Variants in NAALADL2 observed in about 807,000 individuals in gnomAD.
NAALADL2 encodes N-acetylated alpha-linked acidic dipeptidase like 2, also known as inactive N-acetylated-alpha-linked acidic dipeptidase-like protein 2.
NAALADL2 carries 76 observed loss-of-function variants against 87.2 expected under a neutral mutation model. The ratio of observed to expected loss-of-function variants is 0.87; its 90% CI spans 0.72 to 1.05. The LOEUF (loss-of-function observed/expected upper bound fraction) is 1.05. Among genes scored for constraint, NAALADL2 ranks in the 50% least tolerant of loss-of-function variants. The pLI is 0.00. For missense variants in NAALADL2, 1,089 were observed against 945.8 expected, an observed-to-expected ratio of 1.15 and a Z score of -1.99; for synonymous variants, 354 against 331.0, an observed-to-expected ratio of 1.07 and a Z score of -0.75.
chr3:175,630,958 A>G (rs114987074), intron 11 of NAALADL2, among the ~76,000 whole-genome samples: 2 of 151,724 alleles, frequency 1.3e-5, no homozygotes, highest in Non-Finnish European at 3.0e-5. Flanking sequence ...GAAATTCTGA[A>G]GATACTATTT....
rs149900723 is a variant in NAALADL2, at chr3:175,085,813, G to A, written c.44-10977G>A. ...TGTGCCTGTAGTCCCAGCTACTCGGGAGGCTGAGGCAGGAGAATCACTTGA... is the reference window on the plus strand; with the variant it reads ...TGTGCCTGTAGTCCCAGCTACTCGGAAGGCTGAGGCAGGAGAATCACTTGA... On this transcript the variant is annotated intron_variant, in intron 1 of 13. Coordinates refer to ENST00000454872, the MANE Select transcript of NAALADL2 (RefSeq NM_207015.3). 6.2e-3 allele frequency among the ~76,000 whole-genome samples: 951 copies of A among 152,288 alleles called. 12 individuals carry two copies. The highest frequency in any genetic ancestry group is 0.022 in the African/African-American group (898 of 41,542).
intron 9 of NAALADL2, among the ~76,000 whole-genome samples, chr3:175,575,485 A>G (rs940768637): frequency 6.6e-6 from 1 of 151,820 alleles, no homozygotes; most frequent in African/African-American, 2.4e-5. Flanking sequence ...AGCTTTCACC[A>G]TGTTGGCCAG....
At chr3:175,050,499 A>T (rs113259891) in intron 1 of NAALADL2, among the ~76,000 whole-genome samples, 8,234 of 152,116 alleles carry the variant, frequency 0.054, 268 homozygotes, top group Middle Eastern at 0.12. Flanking sequence ...ATTTATTTCA[A>T]TGTTTAATAT....
At chr3:175,597,310 C>T (rs1722374133) in intron 10 of NAALADL2, among the ~76,000 whole-genome samples, 2 of 151,832 alleles carry the variant, frequency 1.3e-5, no homozygotes. Context: ...AGGTTTGTTG[C>T]TATATCTGTG....
At chr3:175,611,093 T>C (rs968225241) in intron 10 of NAALADL2, among the ~76,000 whole-genome samples, 2 of 152,078 alleles carry the variant, frequency 1.3e-5, no homozygotes, top group Non-Finnish European at 2.9e-5. Flanking sequence ...AGATTTCTAC[T>C]TAGCTAAGTC....
At chr3:175,159,639 C>T (rs1185564564) in intron 2 of NAALADL2, among the ~76,000 whole-genome samples, 1 of 152,050 alleles carries the variant, frequency 6.6e-6, no homozygotes, top group East Asian at 1.9e-4. Context: ...AAAGCTGTTG[C>T]ATAAAGGAAT....
chr3:175,228,381 T>C (rs1744458716), intron 2 of NAALADL2, among the ~76,000 whole-genome samples: 2 of 151,954 alleles, frequency 1.3e-5, no homozygotes, highest in Non-Finnish European at 2.9e-5. Flanking sequence ...TAAGGTGTTA[T>C]AGTGCATTTC....
At chr3:174,802,781 C>T (rs982392843) in intron 3 of NAALADL2, among the ~76,000 whole-genome samples, 8 of 152,086 alleles carry the variant, frequency 5.3e-5, no homozygotes, top group Non-Finnish European at 8.8e-5. Context: ...TGGTTTCCAG[C>T]TTCATCTATG....
intron 2 of NAALADL2, among the ~76,000 whole-genome samples, chr3:175,125,595 A>G (rs1726833965): frequency 6.6e-6 from 1 of 152,012 alleles, no homozygotes; most frequent in African/African-American, 2.4e-5. Context: ...ATATAAGAAT[A>G]CTTTTACATT....
chr3:175,173,098 C>T (rs2108926238), intron 2 of NAALADL2, among the ~76,000 whole-genome samples: 1 of 151,872 alleles, frequency 6.6e-6, no homozygotes, highest in African/African-American at 2.4e-5. Flanking sequence ...CAGGATAAGC[C>T]TGGGCGACAT....
intron 5 of NAALADL2, among the ~76,000 whole-genome samples, chr3:175,334,473 C>T (rs1283243871): frequency 6.6e-6 from 1 of 152,176 alleles, no homozygotes; most frequent in Admixed American, 6.5e-5. Flanking sequence ...GACCACCTCA[C>T]TTCACCTACC....
At chr3:175,451,689 AAAT>A (rs1476143867) in intron 6 of NAALADL2, among the ~76,000 whole-genome samples, 4 of 152,130 alleles carry the variant, frequency 2.6e-5, no homozygotes, top group Non-Finnish European at 5.9e-5. Context: ...TATTTTGAAA[AAAT>A]AATTGTTTAC....
intron 3 of NAALADL2, among the ~76,000 whole-genome samples, chr3:175,254,219 C>T (rs1195939571): frequency 6.6e-6 from 1 of 152,028 alleles, no homozygotes; most frequent in Non-Finnish European, 1.5e-5. Context: ...AAGAAATTAC[C>T]AAAGCCACCC....
intron 9 of NAALADL2, among the ~76,000 whole-genome samples, chr3:175,572,651 T>C (rs766691641): frequency 6.6e-6 from 1 of 152,148 alleles, no homozygotes; most frequent in Non-Finnish European, 1.5e-5. Flanking sequence ...AATGAAAATA[T>C]TGAAGCTAAA....
intron 1 of NAALADL2, among the ~76,000 whole-genome samples, chr3:174,978,759 T>TTA (rs1744707249): frequency 2.6e-5 from 4 of 152,218 alleles, no homozygotes; most frequent in African/African-American, 7.2e-5. Flanking sequence ...TAGAATATTG[T>TTA]TAAAACATAT....
At chr3:174,504,631 C>A (rs1368788297) in intron 1 of NAALADL2, among the ~76,000 whole-genome samples, 1 of 152,090 alleles carries the variant, frequency 6.6e-6, no homozygotes, top group Admixed American at 6.5e-5. Context: ...TGAGAGTTTA[C>A]ATCTATTTAC....
intron 2 of NAALADL2, among the ~76,000 whole-genome samples, chr3:175,211,287 C>G (rs976344674): frequency 5.3e-5 from 8 of 151,804 alleles, no homozygotes; most frequent in Non-Finnish European, 1.2e-4. Flanking sequence ...CAAAAATTCT[C>G]TTGGGGAACA....
At position 175,734,489 on chromosome 3, in the gene NAALADL2, G is replaced by A. The variant is rs534131240; in HGVS notation, c.1897-2817G>A. Among the ~76,000 whole-genome samples the A allele has an allele frequency of 4.1e-4, 62 of 152,112 alleles. 2 individuals carry two copies. In the South Asian group the frequency reaches 0.013, roughly 32 times the overall value. On this transcript the variant is annotated intron_variant, in intron 11 of 13. Transcript: ENST00000454872. ...GGAGAATGGTGTGAACTCGGGAGGCGGAGCTTGCAGTGAGCCAAGATTGTG... is the reference window on the plus strand; with the variant it reads ...GGAGAATGGTGTGAACTCGGGAGGCAGAGCTTGCAGTGAGCCAAGATTGTG...
intron 2 of NAALADL2, among the ~76,000 whole-genome samples, chr3:175,225,223 A>G (rs1743989602): frequency 6.6e-6 from 1 of 152,188 alleles, no homozygotes; most frequent in African/African-American, 2.4e-5. Context: ...ATTATATAAA[A>G]TTACCATTAC....
Sources: allele counts gnomAD v4.1 joint callset (sites outside exome capture counted in the v4.1 genomes callset), GRCh38; gene constraint gnomAD v4.1.1; transcripts MANE v1.5; gene names NCBI Gene and HGNC (gene_info 2026-07-23, HGNC 2026-07-21).